ERBB2: variants seen among roughly 807,000 people sequenced by gnomAD.
ERBB2 encodes erb-b2 receptor tyrosine kinase 2.
Under a neutral mutation model 149.0 loss-of-function variants are expected in ERBB2, and 61 were observed. That is an observed-to-expected ratio of 0.41 (90% CI 0.33 to 0.51). The LOEUF (loss-of-function observed/expected upper bound fraction) is 0.51. ERBB2 is among the 20% of genes least tolerant of loss of function. The probability of loss-of-function intolerance (pLI) is 0.25; values close to 1 mark genes in which losing one functional copy is unlikely to be tolerated. For synonymous variants in ERBB2, 633 were observed against 678.8 expected (o/e 0.93, Z 1.05); for missense variants, 1,205 against 1,655.1 (o/e 0.73, Z 4.72).
intron 1 of ERBB2, among the ~76,000 whole-genome samples, chr17:39,701,487 G>T (rs2058104369): frequency 1.3e-5 from 2 of 152,164 alleles, no homozygotes; most frequent in African/African-American, 4.8e-5. Context: ...GGCTGCAGGG[G>T]AGACAAAATG....
At chr17:39,709,185 G>A (rs1282162752) in intron 3 of ERBB2, 133 bp from the exon 4 acceptor site, 2 of 1,026,228 alleles carry the variant, frequency 1.9e-6, no homozygotes, top group Middle Eastern at 2.2e-4. Flanking sequence ...GGTAAAGATA[G>A]CTTTCTCTCC....
In ERBB2 at chr17:39,726,876, A is replaced by T. The variant is rs2143173917; in HGVS notation, c.3032A>T (p.Asp1011Val). 6.2e-7 allele frequency: 1 copy of T among 1,613,992 alleles called. No homozygotes were observed. The highest frequency in any genetic ancestry group is 1.1e-5 in the South Asian group (1 of 91,074). ...ACCTTCTACCGCTCACTGCTGGAGG[A>T]CGATGACATGGGGGACCTGGTGGAT... The part of the protein sequence containing the change: ...DSTFYRSLLE[D>V]DDMGDLVDAE... Residue 1011 changes from aspartate to valine, a missense_variant, in exon 25 of 27, where the codon GAC (aspartate) becomes GTC (valine). Around this residue, in one of 6 missense-constraint regions of ERBB2, gnomAD observed 312 missense variants for 343.8 expected, o/e 0.91. Transcript: ENST00000269571. This position sits in a 1 kb window ranked among gnomAD's most constrained non-coding sequence, Gnocchi z 5.1.
chr17:39,719,867 G>T (rs199960734), intron 16 of ERBB2, 33 bp downstream of exon 16: 69 of 1,608,718 alleles, frequency 4.3e-5, no homozygotes, highest in Non-Finnish European at 6.0e-6. Flanking sequence ...ACCCTTCATT[G>T]CCCTTCACTC....
At position 39,715,532 on chromosome 17, in the gene ERBB2, C is replaced by T. The variant is rs766083302; in HGVS notation, c.1309C>T (p.His437Tyr). ...NLQVIRGRIL[H>Y]NGAYSLTLQG... is the part of the protein sequence containing the mutation. ...GCAAGTAATCCGGGGACGAATTCTG[C>T]ACAAGTGAGCACTGAGAAAGAGGGG... The change falls in exon 11 of 27, where the codon CAC becomes TAC. Residue 437 changes from histidine to tyrosine, a missense_variant. By Grantham distance (83) the His-to-Tyr change is moderately conservative. Transcript: ENST00000269571. 4 of 1,614,006 alleles carry T rather than the reference C, an allele frequency of 2.5e-6. No homozygotes were observed. The South Asian group carries it at 4.4e-5, about 18-fold the overall frequency.
intron 3 of ERBB2, 79 bp downstream of exon 3, chr17:39,708,613 G>A: frequency 5.3e-6 from 6 of 1,132,606 alleles, no homozygotes; most frequent in Non-Finnish European, 7.9e-6. Context: ...GGGAGGCTTT[G>A]TGTGCATTAG....
rs1356138505 is a variant in ERBB2, at chr17:39,706,972, T to A, written c.74-18T>A. 3 of 1,550,870 alleles carry A rather than the reference T, an allele frequency of 1.9e-6. No individual in the cohort carries two copies. The African/African-American group carries it at 4.1e-5, about 21-fold the overall frequency. ...TCCCCCGCCAGTGTCCTCTGACCCA[T>A]CTGCTCTCTCCTGCCAGTGTGCACC... On this transcript the variant is annotated intron_variant, in intron 1 of 26. Coordinates refer to ENST00000269571, the MANE Select transcript of ERBB2 (RefSeq NM_004448.4).
At chr17:39,689,778 G>A (rs969479571) in intron 2 of ERBB2, among the ~76,000 whole-genome samples, 1 of 151,972 alleles carries the variant, frequency 6.6e-6, no homozygotes, top group African/African-American at 2.4e-5. Context: ...GGTGGTGCAT[G>A]CCTGTAATCC....
upstream of ERBB2, among the ~76,000 whole-genome samples, chr17:39,694,256 T>TACACAC (rs2057795746): frequency 9.3e-5 from 2 of 21,420 alleles, 1 homozygote; most frequent in African/African-American, 2.3e-4. Flanking sequence ...TATATATATA[T>TACACAC]ATATATATAT....
intron 2 of ERBB2, among the ~76,000 whole-genome samples, chr17:39,689,398 C>A (rs1422836623): frequency 1.3e-5 from 2 of 152,166 alleles, no homozygotes; most frequent in Non-Finnish European, 2.9e-5. Flanking sequence ...ACCCCTTAGC[C>A]CTCCAGGAGC....
upstream of ERBB2, among the ~76,000 whole-genome samples, chr17:39,691,574 T>TACAC (rs1173386743): frequency 0.018 from 2,163 of 121,608 alleles, 24 homozygotes; most frequent in South Asian, 0.026. Context: ...TATATATATA[T>TACAC]ACACACACAC....
chr17:39,699,506 T>G (rs2057965509), upstream of ERBB2: 1 of 1,515,414 alleles, frequency 6.6e-7, no homozygotes, highest in East Asian at 2.5e-5. Flanking sequence ...CCTCCCAAAT[T>G]TGTAGACCCT....
chr17:39,709,788 T>A lies in ERBB2; in HGVS notation c.575-25T>A, dbSNP rs1448489761. On this transcript the variant is annotated intron_variant, in intron 4 of 26. Coordinates refer to ENST00000269571, the MANE Select transcript of ERBB2 (RefSeq NM_004448.4). Reference sequence around the variant, plus strand: ...TCTCGCTGTTAGACATCTCTCTCACTGCCTGTCTCTGGTTCTGTCCTCAGG... The same window carrying A: ...TCTCGCTGTTAGACATCTCTCTCACAGCCTGTCTCTGGTTCTGTCCTCAGG... 4 of 1,602,896 alleles carry A rather than the reference T, an allele frequency of 2.5e-6. No individual in the cohort carries two copies. In the South Asian group the frequency reaches 4.4e-5, roughly 18 times the overall value.
chr17:39,708,653 C>T (rs1254143554), intron 3 of ERBB2, 119 bp downstream of exon 3: 6 of 755,480 alleles, frequency 7.9e-6, no homozygotes, highest in Non-Finnish European at 1.3e-5. Context: ...CAGACGCAGG[C>T]AGAGCCCGGG....
chr17:39,712,316 C>T lies in ERBB2; in HGVS notation c.1022-6C>T, dbSNP rs369377679. 6.3e-6 allele frequency: 10 copies of T among 1,586,658 alleles called. No homozygotes were observed. In the African/African-American group the frequency reaches 6.7e-5, roughly 11 times the overall value. On this transcript the variant is annotated splice_region_variant and splice_polypyrimidine_tract_variant and intron_variant, in intron 8 of 26. Coordinates refer to ENST00000269571, the MANE Select transcript of ERBB2 (RefSeq NM_004448.4). ...GCCCCTTCCCCACCCACCCCCACCT[C>T]CTCAGTGTGCTATGGTCTGGGCATG...
At chr17:39,701,304 G>A (rs1366102792) in intron 1 of ERBB2, among the ~76,000 whole-genome samples, 1 of 152,132 alleles carries the variant, frequency 6.6e-6, no homozygotes, top group Non-Finnish European at 1.5e-5. Context: ...CCCCTATAGT[G>A]GAAGTTCTGC....
chr17:39,721,787 T>C (rs774297229), intron 16 of ERBB2, among the ~76,000 whole-genome samples: 1 of 152,222 alleles, frequency 6.6e-6, no homozygotes, highest in Non-Finnish European at 1.5e-5. Flanking sequence ...GACTGTGTGC[T>C]GATTTGTGAT....
At position 39,717,361 on chromosome 17, in the gene ERBB2, T is replaced by C. The variant is rs2145707687; in HGVS notation, c.1779T>C (p.Pro593=). The change falls in exon 15 of 27, where the codon CCT becomes CCC. Residue 593 remains proline (P), a synonymous_variant. Coordinates refer to ENST00000269571, the MANE Select transcript of ERBB2 (RefSeq NM_004448.4). ...QCVACAHYKD[P]PFCVARCPSG... The stretch of plus-strand genomic sequence containing the variant: ...TGGCCTGTGCCCACTATAAGGACCC[T>C]CCCTTCTGCGTGGCCCGCTGCCCCA... 6.2e-7 allele frequency: 1 copy of C among 1,612,552 alleles called. No homozygotes were observed.
intron 15 of ERBB2, among the ~76,000 whole-genome samples, chr17:39,719,278 A>C (rs941318528): frequency 6.6e-6 from 1 of 152,170 alleles, no homozygotes; most frequent in African/African-American, 2.4e-5. Context: ...AAAAGAAAAA[A>C]AAAAAGAATA....
rs2145501141 is a variant in ERBB2, at chr17:39,710,086, T to C, written c.644T>C (p.Leu215Pro). Residue 215 changes from leucine to proline, a missense_variant and splice_region_variant, in exon 6 of 27, where the codon CTG (leucine) becomes CCG (proline). Coordinates refer to ENST00000269571, the MANE Select transcript of ERBB2 (RefSeq NM_004448.4). ...WGESSEDCQS[L>P]TRTVCAGGCA... Reference sequence around the variant, plus strand: ...CCTCATCCTGCCCTTTGCCCAACAGTGACGCGCACTGTCTGTGCCGGTGGC... The same window carrying C: ...CCTCATCCTGCCCTTTGCCCAACAGCGACGCGCACTGTCTGTGCCGGTGGC... The C allele has an allele frequency of 1.2e-6, 2 of 1,604,592 alleles. No individual in the cohort carries two copies. The highest frequency in any genetic ancestry group is 1.7e-5 in the Admixed American group (1 of 59,934).
Sources: gnomAD v4.1 joint callset for allele counts (sites outside exome capture counted in the v4.1 genomes callset) on GRCh38, gnomAD v4.1.1 for gene constraint, gnomAD v4.1.1 regional missense constraint, Gnocchi (gnomAD v3.1) non-coding constraint, MANE v1.5 for transcripts, NCBI Gene and HGNC (gene_info 2026-07-23, HGNC 2026-07-21) for gene names.